The following USP25 variants were observed in gnomAD, a reference collection of about 807,000 sequenced individuals.
USP25 encodes the protein ubiquitin carboxyl-terminal hydrolase 25.
Under a neutral mutation model 158.5 loss-of-function variants are expected in USP25, and 85 were observed. The ratio of observed to expected loss-of-function variants is 0.54; its 90% CI spans 0.45 to 0.64. The LOEUF (loss-of-function observed/expected upper bound fraction) is 0.64. Ranked by LOEUF, USP25 falls within the 30% of genes least tolerant of loss-of-function variation. USP25 has a pLI of 0.00. For synonymous variants in USP25, 464 were observed against 460.4 expected, an observed-to-expected ratio of 1.01 and a Z score of -0.10; for missense variants, 1,242 against 1,327.3, an observed-to-expected ratio of 0.94 and a Z score of 1.00.
Position 15,842,413 on chromosome 21 carries a change from A to T in USP25, c.2210A>T (p.Asp737Val), listed in dbSNP as rs1327002201. The change falls in exon 18 of 26, where the codon GAC (aspartate) becomes GTC (valine). Residue 737 changes from aspartate (D) to valine (V), a missense_variant. Around this residue, in one of 3 missense-constraint regions of USP25, gnomAD observed 608 missense variants for 605.2 expected, o/e 1.00. Transcript: ENST00000400183. Reference protein sequence around the residue: ...TSVTTAQAAGDPEYLEQPSRS... With the variant: ...TSVTTAQAAGVPEYLEQPSRS... ...TCTCATGAAGCACAAGCAGCAGGAG[A>T]CCCAGAATATCTAGAGCAGCCATCA... 1 of 1,613,578 alleles carries T rather than the reference A, an allele frequency of 6.2e-7. No individual in the cohort carries two copies. Among genetic ancestry groups the T allele is most frequent in the South Asian group, 1.1e-5 (1 of 91,068 alleles).
intron 23 of USP25, among the ~76,000 whole-genome samples, chr21:15,871,283 A>G (rs990780542): frequency 1.3e-5 from 2 of 152,216 alleles, no homozygotes; most frequent in Admixed American, 1.3e-4. Context: ...ACTTTGATCA[A>G]TACCTCCAAT....
intron 5 of USP25, among the ~76,000 whole-genome samples, chr21:15,797,880 GTA>G (rs745995341): frequency 2.0e-5 from 3 of 151,178 alleles, no homozygotes; most frequent in African/African-American, 4.8e-5. Context: ...TTTTATTACA[GTA>G]TGTTTTCTTT....
chr21:15,764,277 A>G (rs1163015121), intron 2 of USP25, among the ~76,000 whole-genome samples: 2 of 150,166 alleles, frequency 1.3e-5, no homozygotes, highest in African/African-American at 4.9e-5. Flanking sequence ...GTGTGAGACC[A>G]TAGCCTATCA....
At chr21:15,745,770 C>A (rs1009782916) in intron 1 of USP25, among the ~76,000 whole-genome samples, 2 of 152,158 alleles carry the variant, frequency 1.3e-5, no homozygotes, top group African/African-American at 2.4e-5. Flanking sequence ...GCCACCACGC[C>A]CGGCTGCTTT....
chr21:15,763,950 C>T (rs944093687), intron 2 of USP25, among the ~76,000 whole-genome samples: 2 of 152,098 alleles, frequency 1.3e-5, no homozygotes, highest in Non-Finnish European at 1.5e-5. Flanking sequence ...ATCACACAGC[C>T]TGTATGTGGA....
intron 17 of USP25, among the ~76,000 whole-genome samples, chr21:15,840,002 A>T (rs1034431613): frequency 6.6e-6 from 1 of 152,030 alleles, no homozygotes; most frequent in Non-Finnish European, 1.5e-5. Context: ...TCTTAATTCC[A>T]ACCTTTTCTT....
chr21:15,762,788 C>T, intron 1 of USP25, 103 bp from the exon 2 acceptor site: 1 of 1,026,824 alleles, frequency 9.7e-7, no homozygotes, highest in Admixed American at 2.5e-5. Context: ...TTACTTTATT[C>T]TGTTTTTTGT....
At chr21:15,809,663 G>T (rs1352424730) in intron 8 of USP25, among the ~76,000 whole-genome samples, 1 of 152,270 alleles carries the variant, frequency 6.6e-6, no homozygotes, top group Non-Finnish European at 1.5e-5. Context: ...ATATCCAAAA[G>T]AATTGAAAGC....
At position 15,819,718 on chromosome 21, in the gene USP25, G is replaced by A. The variant is rs541286617; in HGVS notation, c.1080+872G>A. On this transcript the variant is annotated intron_variant, in intron 10 of 25. Coordinates refer to ENST00000400183, the MANE Select transcript of USP25 (RefSeq NM_001283041.3). ...GTGCTTAATAAATATTAAGTGATAC[G>A]ATGTCTCTGTGTTTATCTAAAAGGA... Among the ~76,000 whole-genome samples the A allele has an allele frequency of 8.5e-5, 13 of 152,156 alleles. No individual in the cohort carries two copies. The East Asian group carries it at 1.2e-3, about 14-fold the overall frequency.
At chr21:15,828,526 G>C (rs567175121) in intron 14 of USP25, among the ~76,000 whole-genome samples, 1 of 152,306 alleles carries the variant, frequency 6.6e-6, no homozygotes, top group East Asian at 1.9e-4. Flanking sequence ...AGTTCATAAT[G>C]GTATGAATAA....
chr21:15,785,355 A>G lies in USP25; in HGVS notation c.393-6147A>G, dbSNP rs964200729. ...TAGACAAATGATTTAGAAACATGAG[A>G]CTTAAACTACACCATGGACATTTAC... is the stretch of plus-strand genomic sequence containing the variant. On this transcript the variant is annotated intron_variant, in intron 4 of 25. Coordinates refer to ENST00000400183, the MANE Select transcript of USP25 (RefSeq NM_001283041.3). Among the ~76,000 whole-genome samples, 6 of 152,294 alleles carry G rather than the reference A, an allele frequency of 3.9e-5. No individual in the cohort carries two copies. The East Asian group carries it at 1.2e-3, about 29-fold the overall frequency.
intron 17 of USP25, among the ~76,000 whole-genome samples, chr21:15,840,770 G>C (rs965948106): frequency 1.3e-5 from 2 of 152,084 alleles, no homozygotes; most frequent in African/African-American, 4.8e-5. Context: ...GGTTTCAGTG[G>C]GTCATTAGAC....
Position 15,730,446 on chromosome 21 carries a change from G to A in USP25, c.45+8G>A. ...CAGAGCGCGGCGCAGAAGGTGAGGC[G>A]AGTCCGCCAGCCGGCGGGCCCCACT... On this transcript the variant is annotated splice_region_variant and intron_variant, in intron 1 of 25. Transcript: ENST00000400183. 3 of 1,357,866 alleles carry A rather than the reference G, an allele frequency of 2.2e-6. No homozygotes were observed. Among genetic ancestry groups the A allele is most frequent in the Non-Finnish European group, 2.9e-6 (3 of 1,046,160 alleles). 84.1% of individuals were successfully genotyped at this position (1,357,866 alleles called of 1,614,324 possible).
At position 15,805,409 on chromosome 21, in the gene USP25, T is replaced by C. The variant is rs188473064; in HGVS notation, c.780+151T>C. On this transcript the variant is annotated intron_variant, in intron 7 of 25. Coordinates refer to ENST00000400183, the MANE Select transcript of USP25 (RefSeq NM_001283041.3). Reference sequence around the variant, plus strand: ...ACCATTTAAAACATTTGGGAGACTTTTAAGAGAAAAGTGATCTTGAAGGTG... The same window carrying C: ...ACCATTTAAAACATTTGGGAGACTTCTAAGAGAAAAGTGATCTTGAAGGTG... The C allele has an allele frequency of 1.0e-3, 784 of 757,676 alleles. 5 individuals are homozygous for C. The African/African-American group carries it at 0.013, about 13-fold the overall frequency. 46.9% of individuals were successfully genotyped at this position (757,676 alleles called of 1,614,324 possible). A position where few individuals can be genotyped will look rare whatever the true frequency, so the allele number is the denominator to read the frequency against.
intron 17 of USP25, among the ~76,000 whole-genome samples, chr21:15,833,869 A>G (rs777652172): frequency 4.6e-5 from 7 of 152,196 alleles, no homozygotes; most frequent in Non-Finnish European, 1.0e-4. Context: ...AACCCAAACC[A>G]ATTCACTAAA....
rs1390388544 is a variant in USP25, at chr21:15,875,578, A to G, written c.3009+1052A>G. Among the ~76,000 whole-genome samples the G allele has an allele frequency of 6.6e-6, 1 of 152,244 alleles. No homozygotes were observed. Among genetic ancestry groups the G allele is most frequent in the East Asian group, 1.9e-4 (1 of 5,204 alleles). ...AAGTGCCATTATGAGAAATATGCACAATGATATGCCTGAAATATTTGGGAA... is the reference window on the plus strand; with the variant it reads ...AAGTGCCATTATGAGAAATATGCACGATGATATGCCTGAAATATTTGGGAA... On this transcript the variant is annotated intron_variant, in intron 24 of 25. Transcript: ENST00000400183. This position sits in a 1 kb window ranked among gnomAD's most constrained non-coding sequence, Gnocchi z 4.7.
chr21:15,779,907 G>A (rs1025274183), intron 4 of USP25, among the ~76,000 whole-genome samples: 2 of 152,026 alleles, frequency 1.3e-5, no homozygotes, highest in African/African-American at 4.8e-5. Context: ...GAGCAAATGG[G>A]TGTTCAATGC....
intron 1 of USP25, among the ~76,000 whole-genome samples, chr21:15,741,040 C>G (rs1046507579): frequency 6.6e-6 from 1 of 151,974 alleles, no homozygotes; most frequent in African/African-American, 2.4e-5. Context: ...TTATCAACAC[C>G]GTCATTATTT....
At chr21:15,750,713 T>C (rs2032944771) in intron 1 of USP25, among the ~76,000 whole-genome samples, 1 of 151,508 alleles carries the variant, frequency 6.6e-6, no homozygotes, top group African/African-American at 2.4e-5. Context: ...TTCACACCAT[T>C]CTCCTACCTC....
Sources: allele counts gnomAD v4.1 joint callset (sites outside exome capture counted in the v4.1 genomes callset), GRCh38; gene constraint gnomAD v4.1.1; regional missense constraint gnomAD v4.1.1; non-coding constraint Gnocchi (gnomAD v3.1); transcripts MANE v1.5; gene names NCBI Gene and HGNC (gene_info 2026-07-23, HGNC 2026-07-21).